KANSL3: variants seen among roughly 807,000 people sequenced by gnomAD.
KANSL3 encodes NSL complex protein NSL3.
In KANSL3, 16 loss-of-function variants were observed where a neutral mutation model predicts 89.2. The ratio of observed to expected loss-of-function variants is 0.18; its 90% CI spans 0.12 to 0.27. The LOEUF (loss-of-function observed/expected upper bound fraction) is 0.27. Ranked by LOEUF, KANSL3 falls within the 10% of genes least tolerant of loss-of-function variation. The pLI, the probability that KANSL3 is intolerant of heterozygous loss-of-function variation, is 1.00. For missense variants in KANSL3, 879 were observed against 1,110.6 expected (o/e 0.79, Z 2.96); for synonymous variants, 385 against 419.7 (o/e 0.92, Z 1.01).
intron 16 of KANSL3, 29 bp from the exon 17 acceptor site, chr2:96,604,409 C>G (rs765772264): frequency 6.2e-7 from 1 of 1,602,638 alleles, no homozygotes; most frequent in Non-Finnish European, 8.5e-7. Context: ...GCTCTGTTAT[C>G]CAAAGGTCAC....
At chr2:96,634,813 G>A (rs931027526) in intron 2 of KANSL3, among the ~76,000 whole-genome samples, 3 of 152,228 alleles carry the variant, frequency 2.0e-5, no homozygotes, top group African/African-American at 7.2e-5. Flanking sequence ...ACTTGGATAT[G>A]TGTAGCTAAA....
chr2:96,610,692 C>A (rs1426973289), intron 11 of KANSL3, 34 bp downstream of exon 11: 4 of 1,610,800 alleles, frequency 2.5e-6, no homozygotes, highest in Middle Eastern at 1.8e-4. Flanking sequence ...CACTGTAACA[C>A]AGCTCTCTTG....
At position 96,595,774 on chromosome 2, in the gene KANSL3, G is replaced by T. The variant is rs924382479; in HGVS notation, c.2617-143C>A. Reference sequence around the variant, plus strand: ...ATAGGAAAGAAGTTGGATACACAAGGACACATGTTCTAGCTGCCAAGTGGT... The same window carrying T: ...ATAGGAAAGAAGTTGGATACACAAGTACACATGTTCTAGCTGCCAAGTGGT... On this transcript the variant is annotated intron_variant, in intron 20 of 20. Coordinates refer to ENST00000431828, the MANE Select transcript of KANSL3 (RefSeq NM_001115016.3). 4.2e-6 allele frequency: 4 copies of T among 963,824 alleles called. No homozygotes were observed. The Admixed American group carries it at 1.0e-4, about 24-fold the overall frequency. The allele number at this position is 963,824 out of a possible 1,614,324, so 59.7% of individuals were successfully genotyped here. A position where few individuals can be genotyped will look rare whatever the true frequency, so the allele number is the denominator to read the frequency against.
chr2:96,618,918 C>T (rs550630208), intron 5 of KANSL3, among the ~76,000 whole-genome samples: 1 of 152,222 alleles, frequency 6.6e-6, no homozygotes, highest in Non-Finnish European at 1.5e-5. Flanking sequence ...CTAAGTGTTG[C>T]TACTAAAGGC....
intron 5 of KANSL3, among the ~76,000 whole-genome samples, chr2:96,618,350 T>C (rs2070618186): frequency 6.6e-6 from 1 of 152,128 alleles, no homozygotes; most frequent in African/African-American, 2.4e-5. Flanking sequence ...CCACCATGCC[T>C]GGCTAATTAT....
Position 96,619,743 on chromosome 2 carries a change from G to T in KANSL3, c.406C>A (p.Gln136Lys). The change falls in exon 4 of 21, where the codon CAG becomes AAG. Residue 136 changes from glutamine (Q) to lysine (K), a missense_variant. Coordinates refer to ENST00000431828, the MANE Select transcript of KANSL3 (RefSeq NM_001115016.3). Reference sequence around the variant, plus strand: ...AGGATCTTGTTGAATAGCTTGTTCTGGGCCATTGTCCAGCCAGTCCTATAA... The same window carrying T: ...AGGATCTTGTTGAATAGCTTGTTCTTGGCCATTGTCCAGCCAGTCCTATAA... ...HVNRTGWTMA[Q>K]NKLFNKILKA... 6.4e-7 allele frequency: 1 copy of T among 1,557,670 alleles called. No homozygotes were observed. Among genetic ancestry groups the T allele is most frequent in the East Asian group, 2.4e-5 (1 of 41,494 alleles).
chr2:96,638,134 C>A, intron 1 of KANSL3, 149 bp downstream of exon 1: 1 of 152,436 alleles, frequency 6.6e-6, no homozygotes, highest in South Asian at 1.8e-4. Context: ...CCCGACCCGC[C>A]CCGCCCGACC....
At chr2:96,602,065 G>A (rs1291603911) in intron 19 of KANSL3, 51 bp downstream of exon 19, 1 of 1,503,504 alleles carries the variant, frequency 6.7e-7, no homozygotes, top group East Asian at 2.5e-5. Flanking sequence ...GAAGGTCCTG[G>A]GGGAAAGATC....
chr2:96,588,622 G>A (rs762172253), downstream of KANSL3, among the ~76,000 whole-genome samples: 12 of 151,594 alleles, frequency 7.9e-5, no homozygotes, highest in East Asian at 1.9e-4. Context: ...ACGGAGTCTC[G>A]CTCTGTCACC....
chr2:96,617,122 G>T (rs1467850636), intron 5 of KANSL3, among the ~76,000 whole-genome samples: 1 of 152,172 alleles, frequency 6.6e-6, no homozygotes, highest in East Asian at 1.9e-4. Context: ...ATCCAGTCTG[G>T]GCCCCACACT....
At chr2:96,625,848 C>T (rs2072195636) in intron 3 of KANSL3, among the ~76,000 whole-genome samples, 1 of 152,100 alleles carries the variant, frequency 6.6e-6, no homozygotes, top group African/African-American at 2.4e-5. Flanking sequence ...AGATAAAGAG[C>T]ATGCAAGAGA....
rs866203642 is a variant in KANSL3, at chr2:96,612,915, G to T, written c.815C>A (p.Pro272Gln). The T allele has an allele frequency of 6.4e-7, 1 of 1,561,690 alleles. No homozygotes were observed. Among genetic ancestry groups the T allele is most frequent in the East Asian group, 2.4e-5 (1 of 41,884 alleles). ...ACCAGAGGAGGCGATGAGAATCAGC[G>T]GAGAGCCAGGGAGTTTGCTCTAAAG... is the stretch of plus-strand genomic sequence containing the variant. The part of the protein sequence containing the change: ...HNKPSKLPGS[P>Q]LILIASSGPS... The change falls in exon 7 of 21, where the codon CCG (proline) becomes CAG (glutamine). Residue 272 changes from proline to glutamine, a missense_variant. Pro to Gln is a moderately conservative substitution (Grantham distance 76). This residue lies in a region of KANSL3 where 198 missense variants were observed against 260.3 expected (regional missense o/e 0.76). Coordinates refer to ENST00000431828, the MANE Select transcript of KANSL3 (RefSeq NM_001115016.3).
At chr2:96,637,459 C>T (rs1373809826) in intron 1 of KANSL3, among the ~76,000 whole-genome samples, 1 of 152,188 alleles carries the variant, frequency 6.6e-6, no homozygotes, top group Non-Finnish European at 1.5e-5. Context: ...TTCAGAAAGA[C>T]CTCGCGTGGA....
intron 3 of KANSL3, among the ~76,000 whole-genome samples, chr2:96,628,866 C>A (rs1466117864): frequency 6.6e-6 from 1 of 151,986 alleles, no homozygotes; most frequent in Non-Finnish European, 1.5e-5. Context: ...ATAACCATAC[C>A]AGGCCACCTT....
At position 96,604,250 on chromosome 2, in the gene KANSL3, C is replaced by T. The variant is rs2105143102; in HGVS notation, c.2149G>A (p.Gly717Arg). 6.2e-7 allele frequency: 1 copy of T among 1,602,594 alleles called. No homozygotes were observed. The highest frequency in any genetic ancestry group is 1.7e-5 in the Admixed American group (1 of 57,978). ...GGGAGAATGCTGGGCCACAAGATAC[C>T]TGGGAGGGAGCTGCCAGGAGATGTG... is the stretch of plus-strand genomic sequence containing the variant. ...VATSPGSSLP[G>R]ATSASSLLQG... The change falls in exon 17 of 21, where the codon GGG (glycine) becomes AGG (arginine). Residue 717 changes from glycine to arginine, a missense_variant and splice_region_variant. Gly to Arg is a moderately radical substitution (Grantham distance 125). Around this residue, in one of 6 missense-constraint regions of KANSL3, gnomAD observed 317 missense variants for 311.2 expected, o/e 1.02. Transcript: ENST00000431828.
intron 12 of KANSL3, among the ~76,000 whole-genome samples, 188 bp from the exon 13 acceptor site, chr2:96,609,252 C>A (rs1281839810): frequency 6.6e-6 from 1 of 152,238 alleles, no homozygotes; most frequent in Non-Finnish European, 1.5e-5. Flanking sequence ...AGAAGACCAG[C>A]AAGTGCCTCT....
chr2:96,600,760 T>C (rs2067062464), intron 20 of KANSL3: 6 of 985,438 alleles, frequency 6.1e-6, no homozygotes, highest in Non-Finnish European at 7.2e-6. Context: ...CAGGGGAAAT[T>C]AGATCAGCTA....
chr2:96,605,543 C>T (rs764182429), intron 14 of KANSL3, 32 bp from the exon 15 acceptor site: 4 of 1,581,486 alleles, frequency 2.5e-6, no homozygotes, highest in Admixed American at 3.4e-5. Flanking sequence ...AGATCCTCCA[C>T]AATCCAAAAA....
chr2:96,610,606 C>T (rs1003347619), intron 11 of KANSL3, 120 bp downstream of exon 11: 15 of 1,153,748 alleles, frequency 1.3e-5, no homozygotes, highest in South Asian at 6.1e-5. Flanking sequence ...TGAGCCACCG[C>T]GCCCGGCTAA....
Sources: gnomAD v4.1 joint callset for allele counts (sites outside exome capture counted in the v4.1 genomes callset) on GRCh38, gnomAD v4.1.1 for gene constraint, gnomAD v4.1.1 regional missense constraint, MANE v1.5 for transcripts, NCBI Gene and HGNC (gene_info 2026-07-23, HGNC 2026-07-21) for gene names.